Variants in CDH12 observed in about 807,000 individuals in gnomAD.
CDH12 encodes the protein cadherin 12.
Under a neutral mutation model 74.1 loss-of-function variants are expected in CDH12, and 41 were observed. That is an observed-to-expected ratio of 0.55 (90% confidence interval 0.43 to 0.72). CDH12 has a LOEUF of 0.72. CDH12 is among the 30% of genes least tolerant of loss of function. The pLI is 0.00. For missense variants in CDH12, 945 were observed against 977.2 expected (o/e 0.97, Z 0.44); for synonymous variants, 399 against 355.0 (o/e 1.12, Z -1.39).
intron 2 of CDH12, among the ~76,000 whole-genome samples, chr5:22,499,621 G>A (rs1040816008): frequency 2.6e-5 from 4 of 152,142 alleles, no homozygotes; most frequent in African/African-American, 7.2e-5. Flanking sequence ...AGCAGAAAAA[G>A]ATATTTGAAC....
chr5:22,213,988 T>C (rs528013848), intron 3 of CDH12, among the ~76,000 whole-genome samples: 1 of 151,954 alleles, frequency 6.6e-6, no homozygotes, highest in East Asian at 1.9e-4. Flanking sequence ...CGAGAAGCTA[T>C]ATTTACATTG....
chr5:22,043,979 GA>G (rs1739754197), intron 5 of CDH12, among the ~76,000 whole-genome samples: 1 of 151,760 alleles, frequency 6.6e-6, no homozygotes, highest in African/African-American at 2.4e-5. Context: ...TCATGGATTG[GA>G]AGAATCAATA....
chr5:22,132,789 A>G (rs1253255745), intron 4 of CDH12, among the ~76,000 whole-genome samples: 1 of 152,102 alleles, frequency 6.6e-6, no homozygotes, highest in Non-Finnish European at 1.5e-5. Flanking sequence ...GTTTTAGGCT[A>G]CATATGCTTT....
intron 1 of CDH12, among the ~76,000 whole-genome samples, chr5:22,715,265 C>T (rs1047911871): frequency 6.6e-6 from 1 of 152,076 alleles, no homozygotes. Context: ...ACTATATTAC[C>T]TCAGCTGTCT....
chr5:21,929,477 A>G (rs1754739594), intron 6 of CDH12, among the ~76,000 whole-genome samples: 1 of 151,784 alleles, frequency 6.6e-6, no homozygotes, highest in African/African-American at 2.4e-5. Flanking sequence ...TCATGCTTCT[A>G]TGAGAATCTA....
At chr5:22,662,403 A>G (rs1412927847) in intron 1 of CDH12, among the ~76,000 whole-genome samples, 2 of 152,140 alleles carry the variant, frequency 1.3e-5, no homozygotes, top group African/African-American at 4.8e-5. Flanking sequence ...CAGATAAAGG[A>G]AACTGGGAAA....
intron 3 of CDH12, among the ~76,000 whole-genome samples, chr5:22,360,236 T>C (rs1740740487): frequency 6.6e-6 from 1 of 151,990 alleles, no homozygotes; most frequent in South Asian, 2.1e-4. Context: ...CAATAAAAAA[T>C]GATAAAGGGG....
intron 3 of CDH12, among the ~76,000 whole-genome samples, chr5:22,378,220 A>T (rs1741619007): frequency 6.6e-6 from 1 of 152,200 alleles, no homozygotes; most frequent in Non-Finnish European, 1.5e-5. Context: ...GAAATTCAAG[A>T]CAAAATGTGT....
chr5:22,411,129 G>T (rs753106951), intron 2 of CDH12, among the ~76,000 whole-genome samples: 3 of 151,576 alleles, frequency 2.0e-5, no homozygotes, highest in Non-Finnish European at 2.9e-5. Context: ...GGAAATAAAG[G>T]CAAGAAATAA....
chr5:22,838,651 CTGTGTG>C (rs369033220), intron 1 of CDH12, among the ~76,000 whole-genome samples: 8,849 of 143,904 alleles, frequency 0.061, 376 homozygotes, highest in South Asian at 0.18. Flanking sequence ...GTGAGAGTGT[CTGTGTG>C]TGTGTGTGTG....
At chr5:22,209,165 C>A (rs1397778256) in intron 4 of CDH12, among the ~76,000 whole-genome samples, 11 of 152,240 alleles carry the variant, frequency 7.2e-5, no homozygotes, top group African/African-American at 2.4e-4. Context: ...GATATGACAG[C>A]TAATCATATT....
chr5:21,773,873 T>C (rs185271465), intron 11 of CDH12, among the ~76,000 whole-genome samples: 3 of 152,324 alleles, frequency 2.0e-5, no homozygotes, highest in Admixed American at 1.3e-4. Context: ...CATTTAAATG[T>C]TGTTAACTTT....
At chr5:22,483,748 C>CTATATATATATATATATA (rs573933210) in intron 2 of CDH12, among the ~76,000 whole-genome samples, 1,240 of 22,766 alleles carry the variant, frequency 0.054, 410 homozygotes, top group African/African-American at 0.16. Context: ...TCTTTCAAAA[C>CTATATATATATATATATA]TATATATATA....
At chr5:21,797,308 AAAAC>A (rs1561193038) in intron 10 of CDH12, among the ~76,000 whole-genome samples, 2 of 152,146 alleles carry the variant, frequency 1.3e-5, no homozygotes, top group African/African-American at 4.8e-5. Flanking sequence ...AAAGGAAAAC[AAAAC>A]AAACAGCATA....
intron 4 of CDH12, among the ~76,000 whole-genome samples, chr5:22,162,637 TA>T (rs1748425528): frequency 6.6e-6 from 1 of 152,066 alleles, no homozygotes; most frequent in Admixed American, 6.5e-5. Context: ...TGTTTATTTT[TA>T]AAAATAACAT....
chr5:22,087,929 A>C (rs1743174730), intron 4 of CDH12, among the ~76,000 whole-genome samples: 1 of 152,152 alleles, frequency 6.6e-6, no homozygotes, highest in African/African-American at 2.4e-5. Flanking sequence ...AGCTCAGAGT[A>C]AGTTTGGAGA....
At chr5:22,119,010 T>G (rs558105635) in intron 4 of CDH12, among the ~76,000 whole-genome samples, 1 of 152,082 alleles carries the variant, frequency 6.6e-6, no homozygotes, top group East Asian at 1.9e-4. Context: ...ATAAACAATT[T>G]GAGAACAAGA....
At chr5:22,760,689 A>AC (rs1746168369) in intron 1 of CDH12, among the ~76,000 whole-genome samples, 5 of 151,064 alleles carry the variant, frequency 3.3e-5, no homozygotes, top group African/African-American at 9.7e-5. Context: ...AAAAAAAAAA[A>AC]AAAAAAAAAA....
At chr5:21,782,526 G>T (rs1561180386) in intron 11 of CDH12, among the ~76,000 whole-genome samples, 1 of 152,088 alleles carries the variant, frequency 6.6e-6, no homozygotes, top group Non-Finnish European at 1.5e-5. Context: ...AGCTGCTAAA[G>T]TGTTATAAAT....
Sources: allele counts gnomAD v4.1 joint callset (sites outside exome capture counted in the v4.1 genomes callset), GRCh38; gene constraint gnomAD v4.1.1; transcripts MANE v1.5; gene names NCBI Gene and HGNC (gene_info 2026-07-23, HGNC 2026-07-21).